The following LAMB4 variants were observed in gnomAD, a reference collection of about 807,000 sequenced individuals.
The protein encoded by LAMB4 is laminin subunit beta 4.
LAMB4 carries 196 observed loss-of-function variants against 199.2 expected under a neutral mutation model. The observed-to-expected ratio is 0.98, with a 90% CI of 0.88 to 1.11. The LOEUF is 1.11. Among genes scored for constraint, LAMB4 ranks in the 50% least tolerant of loss-of-function variants. LAMB4 has a pLI of 0.00. For synonymous variants in LAMB4, 744 were observed against 770.6 expected (o/e 0.97, Z 0.57); for missense variants, 2,080 against 2,171.2 (o/e 0.96, Z 0.83).
Position 108,111,956 on chromosome 7 carries a change from A to G in LAMB4, c.193-10T>C. The G allele has an allele frequency of 6.3e-7, 1 of 1,583,686 alleles. No individual in the cohort carries two copies. The highest frequency in any genetic ancestry group is 1.4e-5 in the African/African-American group (1 of 73,266). ...AGCATTTTTGTTCCCCCTGGAAAAC[A>G]CCATTATTAAAATTAAAAATAAAAA... is the stretch of plus-strand genomic sequence containing the variant. On this transcript the variant is annotated splice_polypyrimidine_tract_variant and intron_variant, in intron 3 of 33. Transcript: ENST00000388781.
At chr7:108,060,365 C>T (rs1467705112) in intron 23 of LAMB4, among the ~76,000 whole-genome samples, 3 of 151,716 alleles carry the variant, frequency 2.0e-5, no homozygotes, top group Non-Finnish European at 4.4e-5. Flanking sequence ...ATTGGGAAGC[C>T]AGGTGGTCAC....
chr7:108,109,007 T>G (rs541948643), intron 5 of LAMB4, among the ~76,000 whole-genome samples, 164 bp downstream of exon 5: 41 of 149,404 alleles, frequency 2.7e-4, no homozygotes, highest in African/African-American at 9.3e-4. Flanking sequence ...TTAAAAAGTG[T>G]TTTTTTTTTC....
downstream of LAMB4, among the ~76,000 whole-genome samples, chr7:108,018,851 C>T (rs2034635585): frequency 1.3e-5 from 2 of 152,204 alleles, no homozygotes; most frequent in Non-Finnish European, 2.9e-5. Flanking sequence ...TTATGGCTTT[C>T]ATCCACCCTA....
chr7:108,103,612 T>C lies in LAMB4; in HGVS notation c.992-380A>G, dbSNP rs376614940. ...AAATTTTTACATGAAATATTCTGCA[T>C]GCTCTGGGATTCCTAGAGAAGACGG... is the stretch of plus-strand genomic sequence containing the variant. On this transcript the variant is annotated intron_variant, in intron 9 of 33. Coordinates refer to ENST00000388781, the MANE Select transcript of LAMB4 (RefSeq NM_007356.3). 3.3e-5 allele frequency among the ~76,000 whole-genome samples: 5 copies of C among 152,362 alleles called. No individual in the cohort carries two copies. The East Asian group carries it at 7.7e-4, about 24-fold the overall frequency.
At chr7:108,101,813 A>C (rs1323738941) in intron 10 of LAMB4, among the ~76,000 whole-genome samples, 3 of 152,162 alleles carry the variant, frequency 2.0e-5, no homozygotes, top group Non-Finnish European at 4.4e-5. Context: ...TACATTTTGG[A>C]ACTTAAGTGC....
intron 17 of LAMB4, among the ~76,000 whole-genome samples, chr7:108,076,443 GA>G (rs1276793141): frequency 2.0e-5 from 3 of 152,054 alleles, no homozygotes; most frequent in Non-Finnish European, 4.4e-5. Flanking sequence ...AGTGTGAGGT[GA>G]AAAAAATTGG....
At chr7:108,066,824 G>A (rs1045831725) in intron 19 of LAMB4, among the ~76,000 whole-genome samples, 4 of 152,032 alleles carry the variant, frequency 2.6e-5, no homozygotes, top group South Asian at 4.2e-4. Flanking sequence ...TTTAATTAAC[G>A]TTTGTTGTTA....
At chr7:108,051,453 T>A (rs1249772891) in intron 26 of LAMB4, among the ~76,000 whole-genome samples, 1 of 152,194 alleles carries the variant, frequency 6.6e-6, no homozygotes, top group East Asian at 1.9e-4. Context: ...TCAGTGATGC[T>A]TCTCTCAGTA....
chr7:108,071,734 T>C (rs573061086), intron 17 of LAMB4, among the ~76,000 whole-genome samples: 1 of 152,172 alleles, frequency 6.6e-6, no homozygotes, highest in South Asian at 2.1e-4. Flanking sequence ...TGGTTCTTTG[T>C]TCCCCTGCCA....
chr7:108,020,051 C>T (rs1307816660), downstream of LAMB4, among the ~76,000 whole-genome samples: 2 of 152,106 alleles, frequency 1.3e-5, no homozygotes, highest in Non-Finnish European at 2.9e-5. Flanking sequence ...GGGGTTCAAA[C>T]GTGGGCTCTC....
rs1021364981 is a variant in LAMB4, at chr7:108,077,165, T to C, written c.2004-101A>G. The stretch of plus-strand genomic sequence containing the variant: ...GTAGCATTGCACTTGTACTGGGCAG[T>C]GACCTCCACTGTGGGGCTGAGGCCA... On this transcript the variant is annotated intron_variant, in intron 16 of 33. Coordinates refer to ENST00000388781, the MANE Select transcript of LAMB4 (RefSeq NM_007356.3). 11 of 1,214,710 alleles carry C rather than the reference T, an allele frequency of 9.1e-6. No homozygotes were observed. The African/African-American group carries it at 1.7e-4, about 18-fold the overall frequency. 75.2% of individuals were successfully genotyped at this position (1,214,710 alleles called of 1,614,324 possible). A position where few individuals can be genotyped will look rare whatever the true frequency, so the allele number is the denominator to read the frequency against.
intron 14 of LAMB4, among the ~76,000 whole-genome samples, chr7:108,081,950 T>C (rs2036959352): frequency 6.6e-6 from 1 of 152,128 alleles, no homozygotes. Context: ...GAGGGCCTCC[T>C]TGGGGGCATG....
At chr7:108,107,141 T>C (rs927290801) in intron 6 of LAMB4, among the ~76,000 whole-genome samples, 16 of 152,194 alleles carry the variant, frequency 1.1e-4, no homozygotes, top group African/African-American at 3.6e-4. Flanking sequence ...GGTGGTGAAC[T>C]CTGGAGCTGT....
chr7:108,053,136 A>C (rs1461399209), intron 25 of LAMB4, among the ~76,000 whole-genome samples: 5 of 152,238 alleles, frequency 3.3e-5, no homozygotes, highest in Non-Finnish European at 7.3e-5. Flanking sequence ...CTCCTTAAGC[A>C]CTTACATATG....
chr7:108,092,439 T>C, intron 12 of LAMB4, 23 bp from the exon 13 acceptor site: 1 of 1,574,322 alleles, frequency 6.4e-7, no homozygotes, highest in Non-Finnish European at 8.7e-7. Flanking sequence ...AATGCTCAGC[T>C]GATTCCAGCT....
At chr7:108,076,819 G>T in intron 17 of LAMB4, 125 bp downstream of exon 17, 1 of 1,008,816 alleles carries the variant, frequency 9.9e-7, no homozygotes. Flanking sequence ...GATGCTATTA[G>T]GTGGCTTTTA....
chr7:108,107,540 A>C, intron 6 of LAMB4, 91 bp downstream of exon 6: 2 of 982,254 alleles, frequency 2.0e-6, no homozygotes, highest in Non-Finnish European at 3.0e-6. Flanking sequence ...CTTACATTAC[A>C]GTAAACACTA....
chr7:108,033,161 G>C lies in LAMB4; in HGVS notation c.4818+1047C>G, dbSNP rs952080348. On this transcript the variant is annotated intron_variant, in intron 31 of 33. Transcript: ENST00000388781. ...CAACCTGCAAACTTTTTCTGTAAAG[G>C]GCCAGCTAGTAAATACTTTATACTT... 3.3e-5 allele frequency among the ~76,000 whole-genome samples: 5 copies of C among 151,688 alleles called. No individual in the cohort carries two copies. In the East Asian group the frequency reaches 9.7e-4, roughly 29 times the overall value.
At chr7:108,078,678 T>C (rs1309806100) in intron 15 of LAMB4, among the ~76,000 whole-genome samples, 1 of 152,236 alleles carries the variant, frequency 6.6e-6, no homozygotes, top group Non-Finnish European at 1.5e-5. Flanking sequence ...AAAAGGAATC[T>C]ATATACTGGG....
Sources: allele counts gnomAD v4.1 joint callset (sites outside exome capture counted in the v4.1 genomes callset), GRCh38; gene constraint gnomAD v4.1.1; transcripts MANE v1.5; gene names NCBI Gene and HGNC (gene_info 2026-07-23, HGNC 2026-07-21).